Variants in WASHC4 observed in about 807,000 individuals in gnomAD.
The protein encoded by WASHC4 is WASH complex subunit 7.
In WASHC4, 86 loss-of-function variants were observed where a neutral mutation model predicts 166.6. That is an observed-to-expected ratio of 0.52 (90% CI 0.43 to 0.62). The LOEUF is 0.62. Ranked by LOEUF, WASHC4 falls within the 20% of genes least tolerant of loss-of-function variation. The pLI is 0.00. For synonymous variants in WASHC4, 446 were observed against 451.6 expected, an observed-to-expected ratio of 0.99 and a Z score of 0.16; for missense variants, 1,262 against 1,382.4, an observed-to-expected ratio of 0.91 and a Z score of 1.38.
At chr12:105,114,525 G>A in intron 4 of WASHC4, 98 bp downstream of exon 4, 1 of 827,740 alleles carries the variant, frequency 1.2e-6, no homozygotes, top group Non-Finnish European at 2.0e-6. Context: ...TTTATTGAAT[G>A]TTGAATGAAT....
At position 105,162,969 on chromosome 12, in the gene WASHC4, A is replaced by C. The variant is rs764881586; in HGVS notation, c.3157+124A>C. On this transcript the variant is annotated intron_variant, in intron 30 of 32. Transcript: ENST00000332180. ...GATTTTTCTTTCTTTTTTCTTTTTT[A>C]TTTTTTTGAGACAGAGTCTCGTCTC... 463 of 595,584 alleles carry C rather than the reference A, an allele frequency of 7.8e-4. 2 individuals are homozygous for C. The highest frequency in any genetic ancestry group is 1.1e-3 in the Non-Finnish European group (364 of 346,070). The allele number at this position is 595,584 out of a possible 1,614,324, so 36.9% of individuals were successfully genotyped here. A position where few individuals can be genotyped will look rare whatever the true frequency, so the allele number is the denominator to read the frequency against.
At position 105,126,071 on chromosome 12, in the gene WASHC4, C is replaced by T; in HGVS notation, c.854C>T (p.Ala285Val). 1 of 1,612,814 alleles carries T rather than the reference C, an allele frequency of 6.2e-7. No homozygotes were observed. The highest frequency in any genetic ancestry group is 8.5e-7 in the Non-Finnish European group (1 of 1,179,200). Reference protein sequence around the residue: ...GVSVSKNSTFAEEFAHSIRSI... With the variant: ...GVSVSKNSTFVEEFAHSIRSI... ...TCTGTGTCAAAAAATAGTACTTTTG[C>T]TGAGGAATTTGCACATAGTATTCGG... is the stretch of plus-strand genomic sequence containing the variant. The change falls in exon 11 of 33, where the codon GCT (alanine) becomes GTT (valine). Residue 285 changes from alanine to valine, a missense_variant. Physicochemically the swap from Ala to Val is moderately conservative, Grantham distance 64. Transcript: ENST00000332180.
At chr12:105,137,360 G>A (rs1410755978) in intron 14 of WASHC4, among the ~76,000 whole-genome samples, 1 of 152,126 alleles carries the variant, frequency 6.6e-6, no homozygotes, top group African/African-American at 2.4e-5. Flanking sequence ...TGGACTGTGG[G>A]GATTGGTCTA....
At chr12:105,107,951 G>T in intron 1 of WASHC4, 90 bp downstream of exon 1, 1 of 955,990 alleles carries the variant, frequency 1.0e-6, no homozygotes, top group Non-Finnish European at 1.6e-6. Context: ...GAGAGGGACG[G>T]CTGCGCAGCC....
At chr12:105,113,230 T>A (rs1389395952) in intron 2 of WASHC4, among the ~76,000 whole-genome samples, 18 of 152,198 alleles carry the variant, frequency 1.2e-4, no homozygotes, top group African/African-American at 4.1e-4. Context: ...TACATGTTGA[T>A]TTTTTAAACA....
rs114991725 is a variant in WASHC4, at chr12:105,163,924, G to C, written c.3158-187G>C. On this transcript the variant is annotated intron_variant, in intron 30 of 32. Transcript: ENST00000332180. The stretch of plus-strand genomic sequence containing the variant: ...TTATACTTCTACATTGTTTTTAAAG[G>C]AGGAATTAAGCCATTTTGTTAAACC... Among the ~76,000 whole-genome samples the C allele has an allele frequency of 6.0e-3, 906 of 152,184 alleles. 19 individuals are homozygous for C. Among genetic ancestry groups the C allele is most frequent in the African/African-American group, 0.021 (856 of 41,524 alleles).
At chr12:105,131,086 T>TTTA (rs1173751853) in intron 13 of WASHC4, among the ~76,000 whole-genome samples, 49 of 139,304 alleles carry the variant, frequency 3.5e-4, no homozygotes, top group African/African-American at 9.5e-4. Flanking sequence ...TTATTTATTT[T>TTTA]TTTTTTTTTT....
In WASHC4 at chr12:105,111,751, C is replaced by A. The variant is rs563869679; in HGVS notation, c.201+487C>A. Among the ~76,000 whole-genome samples the A allele has an allele frequency of 8.5e-4, 130 of 152,230 alleles. 1 individual carries two copies. Among genetic ancestry groups the A allele is most frequent in the African/African-American group, 3.0e-3 (125 of 41,562 alleles). On this transcript the variant is annotated intron_variant, in intron 2 of 32. Transcript: ENST00000332180. ...ATTTTTTAATGTATAAAATACATTA[C>A]TCTTTCCATTTTGAAATATTTCTTT...
chr12:105,152,681 TAA>T (rs1290760963), intron 26 of WASHC4, among the ~76,000 whole-genome samples: 10 of 152,164 alleles, frequency 6.6e-5, no homozygotes, highest in African/African-American at 2.4e-4. Flanking sequence ...CAATTATAAT[TAA>T]AGTTATTTAA....
In WASHC4 at chr12:105,144,792, A is replaced by G; in HGVS notation, c.2254A>G (p.Ser752Gly). 1 of 1,612,808 alleles carries G rather than the reference A, an allele frequency of 6.2e-7. No homozygotes were observed. Among genetic ancestry groups the G allele is most frequent in the African/African-American group, 1.3e-5 (1 of 74,864 alleles). Reference protein sequence around the residue: ...TVALHDWATYSEMRNLATQRY... With the variant: ...TVALHDWATYGEMRNLATQRY... ...AGCCCTTCATGACTGGGCCACTTATAGTGAGATGAGAAACTTAGCTACTCA... is the reference window on the plus strand; with the variant it reads ...AGCCCTTCATGACTGGGCCACTTATGGTGAGATGAGAAACTTAGCTACTCA... The change falls in exon 22 of 33, where the codon AGT becomes GGT. Residue 752 changes from serine (S) to glycine (G), a missense_variant. Physicochemically the swap from Ser to Gly is moderately conservative, Grantham distance 56. Transcript: ENST00000332180.
At chr12:105,108,005 C>T (rs1879243461) in intron 1 of WASHC4, 144 bp downstream of exon 1, 1 of 679,712 alleles carries the variant, frequency 1.5e-6, no homozygotes, top group South Asian at 1.6e-5. Context: ...GTGCGAGGGA[C>T]GCGCTCTCCA....
Position 105,144,700 on chromosome 12 carries a change from A to T in WASHC4, c.2180-18A>T, listed in dbSNP as rs761218870. The T allele has an allele frequency of 4.2e-6, 5 of 1,201,200 alleles. No individual in the cohort carries two copies. The highest frequency in any genetic ancestry group is 4.1e-5 in the Admixed American group (2 of 48,328). 74.4% of individuals were successfully genotyped at this position (1,201,200 alleles called of 1,614,324 possible). A position where few individuals can be genotyped will look rare whatever the true frequency, so the allele number is the denominator to read the frequency against. On this transcript the variant is annotated intron_variant, in intron 21 of 32. Transcript: ENST00000332180. ...CCTTTTCTACTGTTTCACAAGTTGAATTTTTTTTTTTTGGTAGCTTACGTA... is the reference window on the plus strand; with the variant it reads ...CCTTTTCTACTGTTTCACAAGTTGATTTTTTTTTTTTTGGTAGCTTACGTA...
At position 105,168,096 on chromosome 12, in the gene WASHC4, T is replaced by A. The variant is rs572516755; in HGVS notation, c.*1165T>A. The A allele has an allele frequency of 1.2e-4, 18 of 152,246 alleles. No individual in the cohort carries two copies. The highest frequency in any genetic ancestry group is 4.1e-4 in the African/African-American group (17 of 41,580). 9.4% of individuals were successfully genotyped at this position (152,246 alleles called of 1,614,324 possible). On this transcript the variant is annotated 3_prime_UTR_variant, in exon 33 of 33. Transcript: ENST00000332180. ...AACACCATTTTGGGAAATGCTTGAT[T>A]TTTTTCTATTGCATTTGTCTGCTAA...
At chr12:105,146,942 T>C in intron 23 of WASHC4, 100 bp from the exon 24 acceptor site, 2 of 744,860 alleles carry the variant, frequency 2.7e-6, no homozygotes, top group Admixed American at 1.9e-5. Context: ...AATTAAATTG[T>C]CTTTAATGAA....
intron 14 of WASHC4, among the ~76,000 whole-genome samples, chr12:105,136,474 A>G (rs1219759096): frequency 6.6e-6 from 1 of 152,028 alleles, no homozygotes; most frequent in East Asian, 1.9e-4. Context: ...TATTTATTCT[A>G]TCATTAACTA....
chr12:105,141,594 G>A (rs1882856108), intron 18 of WASHC4, among the ~76,000 whole-genome samples: 1 of 152,178 alleles, frequency 6.6e-6, no homozygotes, highest in South Asian at 2.1e-4. Flanking sequence ...GTGAGACTTA[G>A]CAATCCATGA....
In WASHC4 at chr12:105,139,415, A is replaced by G. The variant is rs529262387; in HGVS notation, c.1453-879A>G. On this transcript the variant is annotated intron_variant, in intron 15 of 32. Coordinates refer to ENST00000332180, the MANE Select transcript of WASHC4 (RefSeq NM_015275.3). ...TTGTCTCTATAGACAGACTATATAT[A>G]TGTGTGTGTGTATATATATATATAT... Among the ~76,000 whole-genome samples, 811 of 94,424 alleles carry G rather than the reference A, an allele frequency of 8.6e-3. 15 individuals carry two copies. The highest frequency in any genetic ancestry group is 0.032 in the African/African-American group (736 of 22,888). 61.9% of individuals were successfully genotyped at this position (94,424 alleles called of 152,430 possible).
chr12:105,149,878 G>C (rs766199903), intron 25 of WASHC4, 129 bp downstream of exon 25: 290 of 892,432 alleles, frequency 3.2e-4, no homozygotes, highest in Non-Finnish European at 4.2e-4. Context: ...TTCTTACTCT[G>C]CATTATCTGT....
chr12:105,158,561 C>G (rs1009728719), intron 28 of WASHC4, among the ~76,000 whole-genome samples: 1 of 151,934 alleles, frequency 6.6e-6, no homozygotes, highest in African/African-American at 2.4e-5. Context: ...GGAGATTGTT[C>G]TAGATTAGGA....
Sources: gnomAD v4.1 joint callset for allele counts (sites outside exome capture counted in the v4.1 genomes callset) on GRCh38, gnomAD v4.1.1 for gene constraint, MANE v1.5 for transcripts, NCBI Gene and HGNC (gene_info 2026-07-23, HGNC 2026-07-21) for gene names.